Variants in DNAH14 observed in about 807,000 individuals in gnomAD.
DNAH14 encodes dynein axonemal heavy chain 14, also known as axonemal beta dynein heavy chain 14.
Under a neutral mutation model 520.9 loss-of-function variants are expected in DNAH14, and 478 were observed. That is an observed-to-expected ratio of 0.92 (90% confidence interval 0.85 to 0.99). The LOEUF is 0.99. Among genes scored for constraint, DNAH14 ranks in the 50% least tolerant of loss-of-function variants. The probability of loss-of-function intolerance (pLI) is 0.00; values close to 1 mark genes in which losing one functional copy is unlikely to be tolerated. For synonymous variants in DNAH14, 1,581 were observed against 1,757.2 expected, an observed-to-expected ratio of 0.90 and a Z score of 2.51; for missense variants, 4,831 against 5,234.5, an observed-to-expected ratio of 0.92 and a Z score of 2.38.
intron 1 of DNAH14, among the ~76,000 whole-genome samples, chr1:224,947,924 T>G (rs1309626507): frequency 6.6e-6 from 1 of 152,046 alleles, no homozygotes; most frequent in African/African-American, 2.4e-5. Flanking sequence ...CATTTCAAAT[T>G]TGTTGACTTA....
At chr1:225,352,655 A>G (rs1394850513) in intron 72 of DNAH14, among the ~76,000 whole-genome samples, 1 of 152,060 alleles carries the variant, frequency 6.6e-6, no homozygotes, top group African/African-American at 2.4e-5. Context: ...TGTAAAGTTT[A>G]AACTCCCATT....
At chr1:225,205,608 A>G (rs2087450023) in intron 39 of DNAH14, among the ~76,000 whole-genome samples, 1 of 152,170 alleles carries the variant, frequency 6.6e-6, no homozygotes, top group African/African-American at 2.4e-5. Context: ...TCCCTTTGCT[A>G]TTCCCCAAGG....
At position 225,270,610 on chromosome 1, in the gene DNAH14, T is replaced by C. The variant is rs190430768; in HGVS notation, c.7540-125T>C. On this transcript the variant is annotated intron_variant, in intron 49 of 85. Coordinates refer to ENST00000682510, the MANE Select transcript of DNAH14 (RefSeq NM_001367479.1). ...CTGTAATCTTTGTTTTTGCAATAAA[T>C]AGTAATTAAATCTTTTTGTCTAAAT... 6.7e-6 allele frequency: 5 copies of C among 745,788 alleles called. No homozygotes were observed. In the East Asian group the frequency reaches 1.2e-4, roughly 18 times the overall value. The allele number at this position is 745,788 out of a possible 1,614,324, so 46.2% of individuals were successfully genotyped here.
chr1:225,303,109 A>G (rs942595457), intron 56 of DNAH14, 47 bp from the exon 57 acceptor site: 4 of 1,288,828 alleles, frequency 3.1e-6, no homozygotes, highest in Admixed American at 5.9e-5. Flanking sequence ...TATTTTTTCA[A>G]AACAGTGGAT....
chr1:225,242,777 AC>A (rs1173195497), intron 43 of DNAH14, among the ~76,000 whole-genome samples: 1 of 152,216 alleles, frequency 6.6e-6, no homozygotes, highest in Non-Finnish European at 1.5e-5. Flanking sequence ...TGCAACTGGC[AC>A]CCCAGTAGGT....
intron 1 of DNAH14, among the ~76,000 whole-genome samples, chr1:224,934,191 G>T (rs2058880167): frequency 1.3e-5 from 2 of 151,898 alleles, no homozygotes; most frequent in African/African-American, 2.4e-5. Context: ...TTAATAAAAA[G>T]AATTTTCAAA....
chr1:225,172,174 C>T (rs930604178), intron 36 of DNAH14, among the ~76,000 whole-genome samples: 25 of 152,102 alleles, frequency 1.6e-4, no homozygotes, highest in African/African-American at 6.0e-4. Flanking sequence ...TGGACAAAAC[C>T]TGGAAGCATT....
rs1359982054 is a variant in DNAH14, at chr1:225,079,470, TGC to T, written c.2689_2690del (p.Ala897TyrfsTer3). On this transcript the variant is annotated frameshift_variant, in exon 18 of 86. Transcript: ENST00000682510. LOFTEE classifies it high-confidence loss of function. ...AGTTAAGTAAAATAAATAAAGACAC[TGC>T]TATAACTAAATTCAGAGATAACTTG... ...MKLSKINKDT[A>X]ITKFRDNLEA... 5.2e-6 allele frequency: 8 copies of T among 1,543,910 alleles called. No homozygotes were observed. The highest frequency in any genetic ancestry group is 1.4e-5 in the African/African-American group (1 of 72,374).
intron 54 of DNAH14, among the ~76,000 whole-genome samples, chr1:225,283,760 T>G (rs1189808608): frequency 1.3e-5 from 2 of 152,086 alleles, no homozygotes; most frequent in Admixed American, 1.3e-4. Context: ...GTAACATTCT[T>G]GAGGAGAGAC....
chr1:225,268,591 C>CT (rs1339832893), intron 49 of DNAH14, among the ~76,000 whole-genome samples: 1 of 152,196 alleles, frequency 6.6e-6, no homozygotes, highest in Non-Finnish European at 1.5e-5. Flanking sequence ...ATCGTCTCAG[C>CT]CCAAAATCTC....
At chr1:225,283,739 G>A (rs1164431541) in intron 54 of DNAH14, among the ~76,000 whole-genome samples, 1 of 152,070 alleles carries the variant, frequency 6.6e-6, no homozygotes, top group Non-Finnish European at 1.5e-5. Context: ...ATATTCTTTT[G>A]AAGCAAACAT....
chr1:225,016,901 CTATGA>C (rs1230776052), intron 10 of DNAH14, among the ~76,000 whole-genome samples: 2 of 151,696 alleles, frequency 1.3e-5, no homozygotes, highest in African/African-American at 4.8e-5. Context: ...TGGTTCTTTT[CTATGA>C]TATATATCTT....
chr1:225,165,867 G>A (rs1013065577), intron 35 of DNAH14, among the ~76,000 whole-genome samples: 3 of 152,016 alleles, frequency 2.0e-5, no homozygotes, highest in African/African-American at 4.8e-5. Context: ...TTACAGTAGT[G>A]AGACACCGCG....
chr1:225,347,954 T>C (rs1168680998), intron 71 of DNAH14, among the ~76,000 whole-genome samples: 1 of 151,774 alleles, frequency 6.6e-6, no homozygotes. Flanking sequence ...AATAAATAAA[T>C]AAATAACAGA....
intron 41 of DNAH14, among the ~76,000 whole-genome samples, chr1:225,224,377 A>G (rs905513004): frequency 2.0e-5 from 3 of 151,882 alleles, no homozygotes; most frequent in Non-Finnish European, 4.4e-5. Context: ...GATAGCCCCC[A>G]GGCTGCACTT....
At chr1:225,387,385 T>TAAATA (rs1553380962) in intron 81 of DNAH14, among the ~76,000 whole-genome samples, 1 of 151,698 alleles carries the variant, frequency 6.6e-6, no homozygotes, top group African/African-American at 2.4e-5. Context: ...TAAAGTATAA[T>TAAATA]AATAAATAAA....
Position 225,367,921 on chromosome 1 carries a change from G to GA in DNAH14, c.12213dup (p.Leu4072ThrfsTer4), listed in dbSNP as rs760086879. On this transcript the variant is annotated frameshift_variant, in exon 77 of 86. Transcript: ENST00000682510. LOFTEE classifies it high-confidence loss of function. The stretch of plus-strand genomic sequence containing the variant: ...AAAATCCTGACTGTGGACAATGGTG[G>GA]AAAAAACTTTTATTTAGCCTATGTT... The GA allele has an allele frequency of 9.7e-6, 15 of 1,551,484 alleles. No individual in the cohort carries two copies. Among genetic ancestry groups the GA allele is most frequent in the South Asian group, 7.1e-5 (6 of 84,068 alleles).
At chr1:225,289,816 A>G in intron 54 of DNAH14, 69 bp from the exon 55 acceptor site, 1 of 1,111,212 alleles carries the variant, frequency 9.0e-7, no homozygotes, top group Non-Finnish European at 1.2e-6. Flanking sequence ...CAAATAATAA[A>G]CAGAAAACTA....
chr1:225,306,374 T>C (rs534035293), intron 58 of DNAH14, among the ~76,000 whole-genome samples: 1 of 152,312 alleles, frequency 6.6e-6, no homozygotes, highest in Non-Finnish European at 1.5e-5. Context: ...TGTTCACTCC[T>C]GGGGTCAGCA....
Sources: gnomAD v4.1 joint callset for allele counts (sites outside exome capture counted in the v4.1 genomes callset) on GRCh38, gnomAD v4.1.1 for gene constraint, MANE v1.5 for transcripts, NCBI Gene and HGNC (gene_info 2026-07-23, HGNC 2026-07-21) for gene names.